The following ZNF33B variants were observed in gnomAD, a reference collection of about 807,000 sequenced individuals.
ZNF33B encodes zinc finger protein 33B.
ZNF33B carries 29 observed loss-of-function variants against 45.8 expected under a neutral mutation model. The observed-to-expected ratio is 0.63, with a 90% CI of 0.47 to 0.86. The LOEUF is 0.86. Ranked by LOEUF, ZNF33B falls within the 40% of genes least tolerant of loss-of-function variation. The probability of loss-of-function intolerance (pLI) is 0.00; values close to 1 mark genes in which losing one functional copy is unlikely to be tolerated. For missense variants in ZNF33B, 831 were observed against 909.9 expected, an observed-to-expected ratio of 0.91 and a Z score of 1.12; for synonymous variants, 305 against 307.8, an observed-to-expected ratio of 0.99 and a Z score of 0.10.
chr10:42,635,039 G>A (rs950709681), intron 2 of ZNF33B, among the ~76,000 whole-genome samples: 1 of 152,120 alleles, frequency 6.6e-6, no homozygotes, highest in Non-Finnish European at 1.5e-5. Context: ...TTGAGGCCAG[G>A]AGTTTGAGAC....
Position 42,638,303 on chromosome 10 carries a change from T to TA in ZNF33B, c.-45+170_-45+171insT, listed in dbSNP as rs1488893883. Among the ~76,000 whole-genome samples the TA allele has an allele frequency of 2.0e-5, 3 of 152,388 alleles. No individual in the cohort carries two copies. In the East Asian group the frequency reaches 5.8e-4, roughly 29 times the overall value. On this transcript the variant is annotated intron_variant, in intron 1 of 4. Coordinates refer to ENST00000359467, the MANE Select transcript of ZNF33B (RefSeq NM_006955.3). Reference sequence around the variant, plus strand: ...GCCCGCTCCCTACAGAGGCTGCGCCTTAGAGGAACTGGCGTAGCGTCCTGG... The same window carrying TA: ...GCCCGCTCCCTACAGAGGCTGCGCCTATAGAGGAACTGGCGTAGCGTCCTGG...
chr10:42,638,410 G>A (rs1406838813), intron 1 of ZNF33B, 64 bp downstream of exon 1: 12 of 353,062 alleles, frequency 3.4e-5, no homozygotes, highest in Non-Finnish European at 6.1e-5. Flanking sequence ...CTGGCCCCCG[G>A]CTGCCTGCTC....
At position 42,591,304 on chromosome 10, in the gene ZNF33B, G is replaced by A. The variant is rs753498406; in HGVS notation, c.*1309C>T. 2.6e-5 allele frequency: 22 copies of A among 835,488 alleles called. No homozygotes were observed. The highest frequency in any genetic ancestry group is 6.1e-4 in the Middle Eastern group (1 of 1,646). The allele number at this position is 835,488 out of a possible 1,614,324, so 51.8% of individuals were successfully genotyped here. On this transcript the variant is annotated 3_prime_UTR_variant, in exon 5 of 5. Coordinates refer to ENST00000359467, the MANE Select transcript of ZNF33B (RefSeq NM_006955.3). ...AAAGAAAATTTGGACTATCACTTACGCTGAAGGCTGGAGTGTTCACATATG... is the reference window on the plus strand; with the variant it reads ...AAAGAAAATTTGGACTATCACTTACACTGAAGGCTGGAGTGTTCACATATG...
intron 4 of ZNF33B, among the ~76,000 whole-genome samples, chr10:42,629,877 G>A (rs185679448): frequency 6.6e-6 from 1 of 152,122 alleles, no homozygotes; most frequent in East Asian, 1.9e-4. Context: ...ACATATGTAA[G>A]TTATCACAGT....
intron 4 of ZNF33B, among the ~76,000 whole-genome samples, chr10:42,602,310 G>GT (rs374878810): frequency 0.14 from 20,248 of 140,736 alleles, 1,822 homozygotes; most frequent in African/African-American, 0.26. Context: ...ATTTTGATTT[G>GT]TTTTTTTTTT....
chr10:42,581,772 C>T (rs1325234413), intron 1 of ZNF33B: 2 of 152,136 alleles, frequency 1.3e-5, no homozygotes, highest in African/African-American at 2.4e-5. Flanking sequence ...GGATAGAATC[C>T]TTATTGTGAG....
chr10:42,614,731 G>A (rs1838239841), intron 4 of ZNF33B, among the ~76,000 whole-genome samples: 1 of 152,068 alleles, frequency 6.6e-6, no homozygotes, highest in Admixed American at 6.6e-5. Context: ...CAAGGCGGGT[G>A]GATCATGAGG....
At position 42,592,672 on chromosome 10, in the gene ZNF33B, G is replaced by C. The variant is rs763752216; in HGVS notation, c.2278C>G (p.Gln760Glu). 2 of 1,613,994 alleles carry C rather than the reference G, an allele frequency of 1.2e-6. No individual in the cohort carries two copies. Among genetic ancestry groups the C allele is most frequent in the South Asian group, 1.1e-5 (1 of 91,062 alleles). ...TGATGTACAATGAGATTTGACTTTT[G>C]AGAGAAGGTTTTCCTGCATGTGTTA... ...ECNTCRKTFSQKSNLIVHQRT... is the reference protein window; with the variant it reads ...ECNTCRKTFSEKSNLIVHQRT... The change falls in exon 5 of 5, where the codon CAA becomes GAA. Residue 760 changes from glutamine to glutamate, a missense_variant. Physicochemically the swap from Gln to Glu is conservative, Grantham distance 29. Coordinates refer to ENST00000359467, the MANE Select transcript of ZNF33B (RefSeq NM_006955.3).
intron 2 of ZNF33B, chr10:42,636,693 G>T: frequency 3.5e-6 from 2 of 572,164 alleles, no homozygotes; most frequent in Non-Finnish European, 6.1e-6. Context: ...GGCGGCCTGC[G>T]CCTGTAGTCC....
At chr10:42,583,617 A>G (rs1040078759) in intron 1 of ZNF33B, among the ~76,000 whole-genome samples, 3 of 152,144 alleles carry the variant, frequency 2.0e-5, no homozygotes, top group African/African-American at 7.2e-5. Flanking sequence ...TTGCCCCTCA[A>G]CTAACCCCCA....
chr10:42,631,692 G>A lies in ZNF33B; in HGVS notation c.250+237C>T, dbSNP rs1171761911. 1.2e-5 allele frequency: 5 copies of A among 431,124 alleles called. No individual in the cohort carries two copies. In the East Asian group the frequency reaches 1.8e-4, roughly 16 times the overall value. The allele number at this position is 431,124 out of a possible 1,614,324, so 26.7% of individuals were successfully genotyped here. On this transcript the variant is annotated intron_variant, in intron 4 of 4. Coordinates refer to ENST00000359467, the MANE Select transcript of ZNF33B (RefSeq NM_006955.3). ...AGTAAAGTTGAGGTGGGCAAAGACTGAACTATTGGCAGGTGTAAGAATGGT... is the reference window on the plus strand; with the variant it reads ...AGTAAAGTTGAGGTGGGCAAAGACTAAACTATTGGCAGGTGTAAGAATGGT...
intron 1 of ZNF33B, among the ~76,000 whole-genome samples, chr10:42,577,784 T>C (rs980295576): frequency 2.0e-5 from 3 of 152,194 alleles, no homozygotes; most frequent in Non-Finnish European, 4.4e-5. Flanking sequence ...AGATAATGTA[T>C]GCTTATTTCA....
chr10:42,598,193 A>C (rs935122762), intron 4 of ZNF33B, among the ~76,000 whole-genome samples: 1 of 152,258 alleles, frequency 6.6e-6, no homozygotes, highest in Non-Finnish European at 1.5e-5. Context: ...CACAATGTCC[A>C]CAAGTATGCT....
chr10:42,625,870 C>G (rs1214875758), intron 4 of ZNF33B, among the ~76,000 whole-genome samples: 1 of 152,206 alleles, frequency 6.6e-6, no homozygotes, highest in African/African-American at 2.4e-5. Flanking sequence ...ATGTGTATGC[C>G]TTCTCTTTCA....
intron 4 of ZNF33B, among the ~76,000 whole-genome samples, chr10:42,614,528 T>C (rs1358507624): frequency 6.6e-6 from 1 of 152,212 alleles, no homozygotes; most frequent in Non-Finnish European, 1.5e-5. Context: ...CCCTAATATG[T>C]TAATAACAGC....
chr10:42,586,437 C>G (rs773199476), downstream of ZNF33B, among the ~76,000 whole-genome samples: 6 of 152,026 alleles, frequency 3.9e-5, no homozygotes, highest in Admixed American at 6.6e-5. Flanking sequence ...GCATGAGCCA[C>G]AGCACCCAGC....
intron 4 of ZNF33B, among the ~76,000 whole-genome samples, chr10:42,625,477 T>C (rs1161980663): frequency 6.6e-6 from 1 of 151,492 alleles, no homozygotes; most frequent in African/African-American, 2.4e-5. Flanking sequence ...TTTTGTTTTC[T>C]TTTCTTTTTT....
rs145236185 is a variant in ZNF33B, at chr10:42,577,388, CA to C, written c.74-2711del. 9.1e-3 allele frequency among the ~76,000 whole-genome samples: 1,392 copies of C among 152,290 alleles called. 15 individuals are homozygous for C. The highest frequency in any genetic ancestry group is 0.031 in the African/African-American group (1,305 of 41,544). On this transcript the variant is annotated intron_variant, in intron 1 of 1. Transcript: ENST00000462075. Reference sequence around the variant, plus strand: ...TTCACAATTTCCCATCTTGATTCTCCAGTCTCTCTTTCCTACCGTCTCCTTC... The same window carrying C: ...TTCACAATTTCCCATCTTGATTCTCCGTCTCTCTTTCCTACCGTCTCCTTC...
At chr10:42,634,405 A>G (rs1839196803) in intron 2 of ZNF33B, among the ~76,000 whole-genome samples, 1 of 152,166 alleles carries the variant, frequency 6.6e-6, no homozygotes, top group East Asian at 1.9e-4. Flanking sequence ...TCAAAAAAAA[A>G]GGTAAGAAAT....
Sources: gnomAD v4.1 joint callset for allele counts (sites outside exome capture counted in the v4.1 genomes callset) on GRCh38, gnomAD v4.1.1 for gene constraint, MANE v1.5 for transcripts, NCBI Gene and HGNC (gene_info 2026-07-23, HGNC 2026-07-21) for gene names.